CFAP61: variants seen among roughly 807,000 people sequenced by gnomAD.
CFAP61 encodes cilia- and flagella-associated protein 61.
In CFAP61, 107 loss-of-function variants were observed where a neutral mutation model predicts 135.6. The ratio of observed to expected loss-of-function variants is 0.79; its 90% CI spans 0.67 to 0.93. The LOEUF (loss-of-function observed/expected upper bound fraction) is 0.93, where lower values mean the gene tolerates loss of function less well. CFAP61 is among the 40% of genes least tolerant of loss of function. CFAP61 has a pLI of 0.00. For synonymous variants in CFAP61, 575 were observed against 578.5 expected (o/e 0.99, Z 0.09); for missense variants, 1,507 against 1,556.2 (o/e 0.97, Z 0.53).
At chr20:20,085,556 T>C (rs769253565) in intron 6 of CFAP61, 2 of 1,361,016 alleles carry the variant, frequency 1.5e-6, no homozygotes, top group Admixed American at 1.9e-5. Context: ...TGGATAACTT[T>C]GTTAACGGGC....
At chr20:20,157,315 C>T (rs375729060) in intron 9 of CFAP61, among the ~76,000 whole-genome samples, 31 of 152,202 alleles carry the variant, frequency 2.0e-4, no homozygotes, top group South Asian at 6.2e-4. Context: ...TCAAGTGATC[C>T]GCCCACCTTG....
intron 6 of CFAP61, 131 bp from the exon 7 acceptor site, chr20:20,090,706 AAAAAAAG>A: frequency 8.3e-6 from 6 of 724,296 alleles, no homozygotes; most frequent in Admixed American, 5.4e-5. Flanking sequence ...AAAAAAAAAA[AAAAAAAG>A]AAGGAAAGTT....
intron 26 of CFAP61, among the ~76,000 whole-genome samples, chr20:20,348,791 A>G (rs779515839): frequency 1.4e-4 from 18 of 128,560 alleles, no homozygotes; most frequent in Non-Finnish European, 2.4e-4. Flanking sequence ...CTTATGGTAA[A>G]AACACTAAAA....
At chr20:20,308,368 G>A (rs2056603336) in intron 25 of CFAP61, among the ~76,000 whole-genome samples, 1 of 151,610 alleles carries the variant, frequency 6.6e-6, no homozygotes, top group Non-Finnish European at 1.5e-5. Flanking sequence ...TTCTCTCTGT[G>A]CCTGTTTTGG....
intron 25 of CFAP61, among the ~76,000 whole-genome samples, chr20:20,319,645 C>G (rs1411277405): frequency 6.6e-6 from 1 of 152,176 alleles, no homozygotes; most frequent in Non-Finnish European, 1.5e-5. Flanking sequence ...ATAGCCTGTG[C>G]AACTGTGAGC....
chr20:20,337,172 G>A (rs1035115304), intron 25 of CFAP61, among the ~76,000 whole-genome samples: 14 of 152,222 alleles, frequency 9.2e-5, no homozygotes, highest in African/African-American at 3.4e-4. Flanking sequence ...GAGGACCAGA[G>A]GAAAGCAGCC....
At chr20:20,196,038 G>A (rs755072236) in intron 15 of CFAP61, among the ~76,000 whole-genome samples, 1 of 152,198 alleles carries the variant, frequency 6.6e-6, no homozygotes, top group Non-Finnish European at 1.5e-5. Context: ...CGAAGATCGC[G>A]CCAGTGTATT....
Position 20,193,050 on chromosome 20 carries a change from G to T in CFAP61, c.1590+1631G>T, listed in dbSNP as rs115669423. Among the ~76,000 whole-genome samples the T allele has an allele frequency of 4.2e-3, 645 of 152,242 alleles. 12 individuals carry two copies. Among genetic ancestry groups the T allele is most frequent in the African/African-American group, 0.015 (626 of 41,520 alleles). ...GAGTCACTTTGCAGAAGAGCATGAG[G>T]GATGTGGGATGACAGGTACTGTCCT... On this transcript the variant is annotated intron_variant, in intron 15 of 26. Transcript: ENST00000245957.
intron 10 of CFAP61, among the ~76,000 whole-genome samples, chr20:20,161,725 C>A (rs980751124): frequency 6.6e-5 from 10 of 152,206 alleles, no homozygotes; most frequent in Non-Finnish European, 1.3e-4. Context: ...GATAAAATGA[C>A]TATTCTCTAG....
intron 9 of CFAP61, among the ~76,000 whole-genome samples, chr20:20,148,524 T>C (rs569464614): frequency 5.3e-5 from 8 of 152,218 alleles, no homozygotes; most frequent in African/African-American, 1.7e-4. Flanking sequence ...TTTGTATTTG[T>C]GGGTTTTGTT....
Position 20,090,953 on chromosome 20 carries a change from G to C in CFAP61, c.676G>C (p.Glu226Gln), listed in dbSNP as rs1256643999. The C allele has an allele frequency of 1.2e-6, 2 of 1,614,156 alleles. No homozygotes were observed. Among genetic ancestry groups the C allele is most frequent in the South Asian group, 2.2e-5 (2 of 91,078 alleles). The change falls in exon 7 of 27, where the codon GAG becomes CAG. Residue 226 changes from glutamate (E) to glutamine (Q), a missense_variant. Physicochemically the swap from Glu to Gln is conservative, Grantham distance 29 (BLOSUM62 2). Coordinates refer to ENST00000245957, the MANE Select transcript of CFAP61 (RefSeq NM_015585.4). ...CGAACTAATAGAGGCCCAAGATGAA[G>C]AGAATCATGCTGTTGTGTGTGAGGT... ...LAELIEAQDE[E>Q]NHAVVCEVEG...
Position 20,283,648 on chromosome 20 carries a change from A to G in CFAP61, c.2797-4961A>G, listed in dbSNP as rs559356671. On this transcript the variant is annotated intron_variant, in intron 22 of 26. Coordinates refer to ENST00000245957, the MANE Select transcript of CFAP61 (RefSeq NM_015585.4). Reference sequence around the variant, plus strand: ...CAAGGTGCCAATCAGGCTGCATTCTATCTGGAGCTTGAAGTCCTCTTCCAG... The same window carrying G: ...CAAGGTGCCAATCAGGCTGCATTCTGTCTGGAGCTTGAAGTCCTCTTCCAG... 4.6e-5 allele frequency among the ~76,000 whole-genome samples: 7 copies of G among 152,358 alleles called. No individual in the cohort carries two copies. The East Asian group carries it at 1.4e-3, about 29-fold the overall frequency.
At position 20,298,222 on chromosome 20, in the gene CFAP61, C is replaced by A; in HGVS notation, c.3258C>A (p.Tyr1086Ter). The A allele has an allele frequency of 6.2e-7, 1 of 1,614,160 alleles. No homozygotes were observed. The highest frequency in any genetic ancestry group is 8.5e-7 in the Non-Finnish European group (1 of 1,180,008). Residue 1086 changes from tyrosine to a stop codon, truncating the protein, a stop_gained, in exon 25 of 27, where the codon TAC (tyrosine) becomes TAA (stop). Transcript: ENST00000245957. LOFTEE classifies it high-confidence loss of function. ...CCGGCAGTGCGAAAAATGGGACTTA[C>A]TTCCGAATTCATATTAACAAGTATA... The part of the protein sequence containing the change: ...LVTGSAKNGT[Y>*]FRIHINKYKM...
intron 26 of CFAP61, among the ~76,000 whole-genome samples, chr20:20,347,573 G>A (rs572740707): frequency 6.6e-6 from 1 of 152,278 alleles, no homozygotes; most frequent in East Asian, 1.9e-4. Context: ...AGGATTATGA[G>A]AAAATGCCAT....
chr20:20,074,222 C>G (rs186962117), intron 3 of CFAP61, 80 bp from the exon 4 acceptor site: 20 of 1,168,624 alleles, frequency 1.7e-5, no homozygotes, highest in Non-Finnish European at 1.8e-5. Context: ...GTGGATGCCC[C>G]GAAACCCTCT....
chr20:20,319,387 A>C (rs960382695), intron 25 of CFAP61, among the ~76,000 whole-genome samples: 2 of 152,340 alleles, frequency 1.3e-5, no homozygotes, highest in African/African-American at 4.8e-5. Flanking sequence ...TTGTGTCCCC[A>C]CCCAAATCTC....
intron 17 of CFAP61, among the ~76,000 whole-genome samples, chr20:20,224,788 G>T (rs2048619770): frequency 6.6e-6 from 1 of 152,100 alleles, no homozygotes; most frequent in Admixed American, 6.5e-5. Flanking sequence ...GTAAGAATTG[G>T]ATTTCCCATC....
chr20:20,356,340 G>A (rs1204381052), intron 26 of CFAP61, among the ~76,000 whole-genome samples: 1 of 148,320 alleles, frequency 6.7e-6, no homozygotes, highest in African/African-American at 2.5e-5. Flanking sequence ...ACTGAGGGGA[G>A]GTGGTCATAC....
intron 11 of CFAP61, among the ~76,000 whole-genome samples, chr20:20,164,914 A>G (rs2053699504): frequency 6.6e-6 from 1 of 152,224 alleles, no homozygotes; most frequent in Admixed American, 6.5e-5. Context: ...AATGAGAGCC[A>G]AGTGAAAGGG....
Sources: gnomAD v4.1 joint callset for allele counts (sites outside exome capture counted in the v4.1 genomes callset) on GRCh38, gnomAD v4.1.1 for gene constraint, MANE v1.5 for transcripts, NCBI Gene and HGNC (gene_info 2026-07-23, HGNC 2026-07-21) for gene names.